The following DSCAM variants were observed in gnomAD, a reference collection of about 807,000 sequenced individuals.
The protein encoded by DSCAM is cell adhesion molecule DSCAM.
DSCAM carries 47 observed loss-of-function variants against 217.7 expected under a neutral mutation model. The observed-to-expected ratio is 0.22, with a 90% CI of 0.17 to 0.28. The LOEUF is 0.28. Ranked by LOEUF, DSCAM falls within the 10% of genes least tolerant of loss-of-function variation. The pLI is 1.00. For synonymous variants in DSCAM, 1,056 were observed against 1,015.3 expected (o/e 1.04, Z -0.76); for missense variants, 2,080 against 2,618.3 (o/e 0.79, Z 4.49).
intron 3 of DSCAM, among the ~76,000 whole-genome samples, chr21:40,480,268 T>C (rs967024529): frequency 1.3e-5 from 2 of 152,222 alleles, no homozygotes; most frequent in African/African-American, 4.8e-5. Context: ...TCTTTCTAGA[T>C]GTGGCTGTAT....
chr21:40,768,776 T>G (rs1241125590), intron 1 of DSCAM, among the ~76,000 whole-genome samples: 1 of 152,106 alleles, frequency 6.6e-6, no homozygotes, highest in Non-Finnish European at 1.5e-5. Context: ...GTAATTGTAG[T>G]GAAAGTTAGA....
At chr21:40,334,694 T>G (rs979129073) in intron 8 of DSCAM, among the ~76,000 whole-genome samples, 2 of 143,756 alleles carry the variant, frequency 1.4e-5, no homozygotes, top group African/African-American at 5.2e-5. Flanking sequence ...GCAGTGTCTA[T>G]TCACAGGTGC....
intron 11 of DSCAM, among the ~76,000 whole-genome samples, chr21:40,258,494 G>A (rs368329653): frequency 6.6e-6 from 1 of 152,186 alleles, no homozygotes; most frequent in Non-Finnish European, 1.5e-5. Flanking sequence ...TAAAGTAGAG[G>A]TTCCTCTTCA....
chr21:40,369,186 C>T lies in DSCAM; in HGVS notation c.568G>A (p.Asp190Asn). Residue 190 changes from aspartate to asparagine, a missense_variant, in exon 4 of 33, where the codon GAT becomes AAT. Physicochemically the swap from Asp to Asn is conservative, Grantham distance 23. Transcript: ENST00000400454. ...ALYIKDVQNE[D>N]GLYNYRCITR... The stretch of plus-strand genomic sequence containing the variant: ...ATGCAGCGGTAGTTATACAATCCAT[C>T]TTCATTCTGTACATCTTTAATATAC... The T allele has an allele frequency of 1.2e-6, 2 of 1,613,164 alleles. No individual in the cohort carries two copies. The highest frequency in any genetic ancestry group is 1.7e-6 in the Non-Finnish European group (2 of 1,179,594).
chr21:40,167,385 CTA>C (rs2090608970), intron 15 of DSCAM, 97 bp from the exon 16 acceptor site: 1 of 1,031,660 alleles, frequency 9.7e-7, no homozygotes, highest in Non-Finnish European at 1.5e-6. Context: ...CAACCCATCC[CTA>C]TGTTTGGCAC....
At chr21:40,044,899 A>G (rs934406505) in intron 30 of DSCAM, among the ~76,000 whole-genome samples, 1 of 152,174 alleles carries the variant, frequency 6.6e-6, no homozygotes, top group African/African-American at 2.4e-5. Flanking sequence ...CGTCCCCCCA[A>G]AAGACATGTT....
At chr21:40,278,928 G>A (rs754904883) in intron 10 of DSCAM, among the ~76,000 whole-genome samples, 13 of 152,116 alleles carry the variant, frequency 8.5e-5, no homozygotes, top group Non-Finnish European at 1.9e-4. Flanking sequence ...ATAGTTTTCT[G>A]ATATCTGTTT....
intron 3 of DSCAM, among the ~76,000 whole-genome samples, chr21:40,601,162 ATC>A (rs1291556173): frequency 1.3e-5 from 2 of 152,174 alleles, no homozygotes; most frequent in East Asian, 1.9e-4. Context: ...TGACAATAGA[ATC>A]TCTCTCCATT....
intron 3 of DSCAM, among the ~76,000 whole-genome samples, chr21:40,487,877 C>T (rs1392381514): frequency 1.3e-5 from 2 of 152,112 alleles, no homozygotes; most frequent in African/African-American, 2.4e-5. Flanking sequence ...GAGTTGTAGC[C>T]AGCATAGTGA....
At chr21:40,623,935 C>G (rs940983338) in intron 3 of DSCAM, among the ~76,000 whole-genome samples, 1 of 152,110 alleles carries the variant, frequency 6.6e-6, no homozygotes, top group East Asian at 1.9e-4. Flanking sequence ...GGGAGGGGCC[C>G]CTTTCAGAAT....
At chr21:40,031,086 C>T (rs1253967140) in intron 32 of DSCAM, among the ~76,000 whole-genome samples, 1 of 152,160 alleles carries the variant, frequency 6.6e-6, no homozygotes, top group Non-Finnish European at 1.5e-5. Context: ...TGTTCTGATT[C>T]TCTTGTCTGA....
At chr21:40,822,318 CAAAAAAAA>C (rs61569827) in intron 1 of DSCAM, among the ~76,000 whole-genome samples, 13 of 57,832 alleles carry the variant, frequency 2.2e-4, no homozygotes, top group East Asian at 1.3e-3. Context: ...GATCTTTTCT[CAAAAAAAA>C]AAAAAAAAAA....
chr21:40,611,105 C>T (rs574744825), intron 3 of DSCAM, among the ~76,000 whole-genome samples: 136 of 137,514 alleles, frequency 9.9e-4, no homozygotes, highest in Non-Finnish European at 1.1e-3. Context: ...GTCGTCCAGG[C>T]TGGAGTACAG....
At chr21:40,485,209 A>G (rs988238034) in intron 3 of DSCAM, among the ~76,000 whole-genome samples, 13 of 150,154 alleles carry the variant, frequency 8.7e-5, no homozygotes, top group Non-Finnish European at 1.6e-4. Context: ...GCCACTCTAC[A>G]TATTTCAATA....
intron 18 of DSCAM, among the ~76,000 whole-genome samples, chr21:40,135,712 T>G (rs539988194): frequency 6.6e-6 from 1 of 152,248 alleles, no homozygotes; most frequent in Non-Finnish European, 1.5e-5. Context: ...ATTTTGTGTG[T>G]CCAGGATATT....
intron 3 of DSCAM, among the ~76,000 whole-genome samples, chr21:40,502,523 G>T (rs1449033401): frequency 1.3e-5 from 2 of 152,136 alleles, no homozygotes; most frequent in Non-Finnish European, 2.9e-5. Context: ...CTCAAGGGGA[G>T]AATCTATTTT....
At chr21:40,807,123 A>G (rs1215094662) in intron 1 of DSCAM, among the ~76,000 whole-genome samples, 2 of 152,180 alleles carry the variant, frequency 1.3e-5, no homozygotes, top group East Asian at 3.9e-4. Context: ...CAATCAATCA[A>G]TCAATCAATC....
intron 3 of DSCAM, among the ~76,000 whole-genome samples, chr21:40,398,242 G>A (rs192193274): frequency 6.6e-6 from 1 of 152,226 alleles, no homozygotes; most frequent in East Asian, 1.9e-4. Flanking sequence ...CAATGTTAAT[G>A]GTTCCTCAGT....
chr21:40,224,010 A>C lies in DSCAM; in HGVS notation c.2357-34772T>G, dbSNP rs115694792. 4.3e-3 allele frequency among the ~76,000 whole-genome samples: 651 copies of C among 152,362 alleles called. 4 individuals are homozygous for C. Among genetic ancestry groups the C allele is most frequent in the African/African-American group, 0.015 (642 of 41,580 alleles). On this transcript the variant is annotated intron_variant, in intron 11 of 32. Coordinates refer to ENST00000400454, the MANE Select transcript of DSCAM (RefSeq NM_001389.5). ...TTTCAGAGAAGTGAAGAATGAATGA[A>C]ATCAGGATGAAGCAAAATGAATTTC...
Sources: allele counts gnomAD v4.1 joint callset (sites outside exome capture counted in the v4.1 genomes callset), GRCh38; gene constraint gnomAD v4.1.1; transcripts MANE v1.5; gene names NCBI Gene and HGNC (gene_info 2026-07-23, HGNC 2026-07-21).